The following ATP8B4 variants were observed in gnomAD, a reference collection of about 807,000 sequenced individuals.
The protein encoded by ATP8B4 is ATPase phospholipid transporting 8B4 (putative).
Under a neutral mutation model 145.6 loss-of-function variants are expected in ATP8B4, and 133 were observed. That is an observed-to-expected ratio of 0.91 (90% CI 0.79 to 1.05). ATP8B4 has a LOEUF of 1.05. Ranked by LOEUF, ATP8B4 falls within the 50% of genes least tolerant of loss-of-function variation. The pLI, the probability that ATP8B4 is intolerant of heterozygous loss-of-function variation, is 0.00. For synonymous variants in ATP8B4, 507 were observed against 492.9 expected, an observed-to-expected ratio of 1.03 and a Z score of -0.38; for missense variants, 1,458 against 1,425.2, an observed-to-expected ratio of 1.02 and a Z score of -0.37.
intron 1 of ATP8B4, among the ~76,000 whole-genome samples, chr15:50,161,886 T>C (rs2044524681): frequency 6.6e-6 from 1 of 152,222 alleles, no homozygotes; most frequent in Admixed American, 6.5e-5. Context: ...TTAATCATTT[T>C]TTAATCTCAT....
At chr15:49,915,386 AG>A (rs2039638565) in intron 20 of ATP8B4, among the ~76,000 whole-genome samples, 1 of 152,172 alleles carries the variant, frequency 6.6e-6, no homozygotes, top group Non-Finnish European at 1.5e-5. Flanking sequence ...TAAATTATAA[AG>A]TTCAACAGCA....
intron 21 of ATP8B4, 111 bp downstream of exon 21, chr15:49,900,981 T>C: frequency 7.4e-7 from 1 of 1,356,842 alleles, no homozygotes; most frequent in Non-Finnish European, 1.0e-6. Flanking sequence ...GCCCTGTATC[T>C]AGTAGTGACA....
At chr15:50,151,585 T>C (rs1182544615) in intron 1 of ATP8B4, among the ~76,000 whole-genome samples, 1 of 152,078 alleles carries the variant, frequency 6.6e-6, no homozygotes, top group Non-Finnish European at 1.5e-5. Flanking sequence ...ACTCCATCTC[T>C]ACGAAAAATT....
intron 13 of ATP8B4, among the ~76,000 whole-genome samples, chr15:49,971,731 A>C (rs1462320385): frequency 6.6e-6 from 1 of 152,140 alleles, no homozygotes; most frequent in Non-Finnish European, 1.5e-5. Flanking sequence ...TCAAGGATCT[A>C]AACCAGAAAT....
chr15:49,872,797 CCTGGAT>C (rs1320022354), intron 25 of ATP8B4, among the ~76,000 whole-genome samples: 47 of 152,012 alleles, frequency 3.1e-4, no homozygotes, highest in African/African-American at 1.1e-3. Flanking sequence ...TGGATTGGAT[CCTGGAT>C]TGGATCCTAG....
intron 1 of ATP8B4, among the ~76,000 whole-genome samples, chr15:50,150,483 T>C (rs2044334051): frequency 6.6e-6 from 1 of 152,206 alleles, no homozygotes; most frequent in African/African-American, 2.4e-5. Flanking sequence ...GATTTTGATG[T>C]CCCTCAGTAC....
intron 2 of ATP8B4, among the ~76,000 whole-genome samples, chr15:50,085,803 G>A (rs548363198): frequency 7.4e-5 from 10 of 135,524 alleles, no homozygotes; most frequent in Admixed American, 1.6e-4. Context: ...ATTTTATTAC[G>A]TATTTCATTT....
At chr15:50,101,226 C>T (rs116042299) in intron 2 of ATP8B4, among the ~76,000 whole-genome samples, 1 of 152,124 alleles carries the variant, frequency 6.6e-6, no homozygotes, top group African/African-American at 2.4e-5. Context: ...TGTTACATTT[C>T]TCAGGTATGG....
At position 49,859,966 on chromosome 15, in the gene ATP8B4, G is replaced by T; in HGVS notation, c.*228C>A. On this transcript the variant is annotated 3_prime_UTR_variant, in exon 28 of 28. Transcript: ENST00000284509. ...AAAAAAAATCTGTACTTGTAACAGC[G>T]AGTGTTTTGTCCACCAAATCACAAA... 2.1e-6 allele frequency: 1 copy of T among 476,234 alleles called. No homozygotes were observed. Among genetic ancestry groups the T allele is most frequent in the Non-Finnish European group, 3.6e-6 (1 of 276,206 alleles). 29.5% of individuals were successfully genotyped at this position (476,234 alleles called of 1,614,324 possible).
intron 23 of ATP8B4, among the ~76,000 whole-genome samples, chr15:49,893,114 A>C (rs1458322184): frequency 3.9e-5 from 6 of 152,248 alleles, no homozygotes; most frequent in African/African-American, 1.4e-4. Flanking sequence ...ATATTGTAAT[A>C]TACTTTTGAT....
intron 2 of ATP8B4, among the ~76,000 whole-genome samples, chr15:50,088,179 A>G (rs556909787): frequency 3.0e-4 from 46 of 152,226 alleles, no homozygotes; most frequent in South Asian, 6.2e-4. Context: ...CCTGAGCAGA[A>G]GCTCGAGACC....
chr15:49,935,686 A>G (rs2041675935), intron 14 of ATP8B4, among the ~76,000 whole-genome samples: 1 of 152,176 alleles, frequency 6.6e-6, no homozygotes, highest in African/African-American at 2.4e-5. Flanking sequence ...CAGAAGGTAC[A>G]TCAAACGGTT....
chr15:49,909,607 C>T (rs1337895987), intron 20 of ATP8B4, among the ~76,000 whole-genome samples: 3 of 151,780 alleles, frequency 2.0e-5, no homozygotes, highest in African/African-American at 7.3e-5. Flanking sequence ...CCCACTGGGG[C>T]CCAAGGACTG....
upstream of ATP8B4, among the ~76,000 whole-genome samples, chr15:50,124,015 G>C (rs896238983): frequency 6.6e-6 from 1 of 152,138 alleles, no homozygotes; most frequent in African/African-American, 2.4e-5. Context: ...GGTGACAGGA[G>C]TACAGTACAC....
intron 1 of ATP8B4, chr15:50,113,426 C>G (rs2057044642): frequency 6.6e-6 from 1 of 152,140 alleles, no homozygotes; most frequent in South Asian, 2.1e-4. Flanking sequence ...GTATCAGTGA[C>G]AGCTGCCAAT....
intron 1 of ATP8B4, among the ~76,000 whole-genome samples, chr15:50,160,015 C>T (rs1444876323): frequency 0.014 from 286 of 20,082 alleles, no homozygotes; most frequent in South Asian, 0.024. Context: ...CAGGTCCTGG[C>T]TTTTTTTTTT....
chr15:50,139,965 A>G (rs2044184920), intron 1 of ATP8B4, among the ~76,000 whole-genome samples: 1 of 151,886 alleles, frequency 6.6e-6, no homozygotes, highest in East Asian at 1.9e-4. Flanking sequence ...GAGGTAAGCT[A>G]TGAGTACACA....
chr15:50,150,292 G>T (rs2153680736), intron 1 of ATP8B4, among the ~76,000 whole-genome samples: 1 of 152,228 alleles, frequency 6.6e-6, no homozygotes, highest in African/African-American at 2.4e-5. Flanking sequence ...AGTCTTTTGT[G>T]ATAGTATGTG....
At chr15:50,158,668 G>A (rs1190347148) in intron 1 of ATP8B4, among the ~76,000 whole-genome samples, 1 of 152,372 alleles carries the variant, frequency 6.6e-6, no homozygotes, top group East Asian at 1.9e-4. Context: ...AGAAAAGGGG[G>A]AAAGGTGGGG....
Sources: allele counts gnomAD v4.1 joint callset (sites outside exome capture counted in the v4.1 genomes callset), GRCh38; gene constraint gnomAD v4.1.1; transcripts MANE v1.5; gene names NCBI Gene and HGNC (gene_info 2026-07-23, HGNC 2026-07-21).